The following DNA2 variants were observed in gnomAD, a reference collection of about 807,000 sequenced individuals.
The protein encoded by DNA2 is DNA replication ATP-dependent helicase/nuclease DNA2.
A neutral mutation model predicts 119.1 loss-of-function variants in DNA2; 101 were observed. The observed-to-expected ratio is 0.85, with a 90% CI of 0.72 to 1.00. DNA2 has a LOEUF of 1.00. Among genes scored for constraint, DNA2 ranks in the 50% least tolerant of loss-of-function variants. The pLI is 0.00. For missense variants in DNA2, 1,121 were observed against 1,255.5 expected (o/e 0.89, Z 1.62); for synonymous variants, 366 against 424.4 (o/e 0.86, Z 1.69).
chr10:68,442,138 C>A (rs550406510), intron 9 of DNA2, among the ~76,000 whole-genome samples: 1 of 152,024 alleles, frequency 6.6e-6, no homozygotes, highest in South Asian at 2.1e-4. Flanking sequence ...GGGTCTCAAA[C>A]TGGTGAGCTG....
intron 4 of DNA2, among the ~76,000 whole-genome samples, chr10:68,462,916 G>C (rs2052277776): frequency 6.6e-6 from 1 of 151,826 alleles, no homozygotes; most frequent in Admixed American, 6.6e-5. Context: ...ATCACCTGAG[G>C]TCAGGAGTTT....
chr10:68,459,155 TCTC>T lies in DNA2; in HGVS notation c.665_667del (p.Gly222del). On this transcript the variant is annotated inframe_deletion, in exon 5 of 21. Coordinates refer to ENST00000358410, the MANE Select transcript of DNA2 (RefSeq NM_001080449.3). The stretch of plus-strand genomic sequence containing the variant: ...AGTCGAAGTGTTTTTATGCATGAAA[TCTC>T]CTGCCCATTTACAAAACGAAGGAAG... The T allele has an allele frequency of 6.3e-7, 1 of 1,596,660 alleles. No individual in the cohort carries two copies. Among genetic ancestry groups the T allele is most frequent in the Non-Finnish European group, 8.5e-7 (1 of 1,170,700 alleles).
chr10:68,457,250 TCTC>T (rs2052197110), intron 5 of DNA2, among the ~76,000 whole-genome samples: 1 of 152,128 alleles, frequency 6.6e-6, no homozygotes, highest in Non-Finnish European at 1.5e-5. Context: ...CTGCTGCTCT[TCTC>T]CTACTGCACT....
At chr10:68,471,689 G>C (rs933375661) in intron 1 of DNA2, 102 bp downstream of exon 1, 172 of 1,392,916 alleles carry the variant, frequency 1.2e-4, no homozygotes, top group Non-Finnish European at 1.5e-4. Context: ...GGGTCCCTGG[G>C]CCCCGGGCCC....
At chr10:68,439,106 C>T (rs1002405055) in intron 9 of DNA2, among the ~76,000 whole-genome samples, 1 of 149,224 alleles carries the variant, frequency 6.7e-6, no homozygotes, top group Non-Finnish European at 1.5e-5. Flanking sequence ...CATAAAAAAA[C>T]ATTTGAGGCC....
chr10:68,439,058 G>A (rs533894905), intron 9 of DNA2, among the ~76,000 whole-genome samples: 101 of 149,716 alleles, frequency 6.7e-4, no homozygotes, highest in African/African-American at 2.2e-3. Flanking sequence ...AATTCATTCT[G>A]GAAAGAAAAA....
At chr10:68,425,122 T>C (rs1389584461) in intron 14 of DNA2, 2 of 285,300 alleles carry the variant, frequency 7.0e-6, no homozygotes, top group African/African-American at 5.6e-5. Context: ...TGAGACAGAG[T>C]CTTGCTCTGT....
chr10:68,447,420 G>A (rs926971418), intron 6 of DNA2, among the ~76,000 whole-genome samples: 2 of 151,076 alleles, frequency 1.3e-5, no homozygotes, highest in Admixed American at 1.3e-4. Context: ...GAGAGGCTAA[G>A]GCAGGAGAAT....
intron 4 of DNA2, among the ~76,000 whole-genome samples, 197 bp downstream of exon 4, chr10:68,465,470 G>A (rs1274576854): frequency 6.6e-6 from 1 of 152,038 alleles, no homozygotes; most frequent in Non-Finnish European, 1.5e-5. Context: ...AAAATATTTA[G>A]GTATTTTTAC....
At position 68,416,695 on chromosome 10, in the gene DNA2, A is replaced by T; in HGVS notation, c.3114+14T>A. On this transcript the variant is annotated intron_variant, in intron 20 of 20. Transcript: ENST00000358410. ...TGCAATCAAATGTGACCATATACAG[A>T]AGAAAAAGGATATTAATTTTTCTGA... 1.2e-6 allele frequency: 2 copies of T among 1,606,446 alleles called. No individual in the cohort carries two copies. The highest frequency in any genetic ancestry group is 1.7e-6 in the Non-Finnish European group (2 of 1,173,282).
chr10:68,469,495 T>G (rs1430122199), intron 2 of DNA2, among the ~76,000 whole-genome samples: 1 of 152,006 alleles, frequency 6.6e-6, no homozygotes, highest in Admixed American at 6.6e-5. Flanking sequence ...GAAGTTTCGC[T>G]CTTGTTGCCT....
At chr10:68,424,740 C>A in intron 14 of DNA2, 1 of 1,550,860 alleles carries the variant, frequency 6.4e-7, no homozygotes, top group Non-Finnish European at 8.9e-7. Context: ...AGTTCAAGGA[C>A]ACTACAAAGG....
At chr10:68,468,403 C>G (rs2052351086) in intron 2 of DNA2, 97 bp from the exon 3 acceptor site, 1 of 764,470 alleles carries the variant, frequency 1.3e-6, no homozygotes. Context: ...AGTATTTTAT[C>G]TGAAGAAGAA....
intron 4 of DNA2, among the ~76,000 whole-genome samples, chr10:68,460,088 CTTCTTT>C (rs2052236740): frequency 2.0e-5 from 3 of 149,900 alleles, no homozygotes; most frequent in South Asian, 2.1e-4. Flanking sequence ...AATTTTTTTT[CTTCTTT>C]TTCTTTTTCT....
At chr10:68,447,244 G>A (rs553789992) in intron 6 of DNA2, among the ~76,000 whole-genome samples, 4 of 152,126 alleles carry the variant, frequency 2.6e-5, no homozygotes, top group South Asian at 2.1e-4. Context: ...ACGGCTGGGC[G>A]TGGTGGCTCA....
intron 9 of DNA2, among the ~76,000 whole-genome samples, chr10:68,440,291 A>ATTTT (rs1277609389): frequency 6.6e-6 from 1 of 151,738 alleles, no homozygotes; most frequent in South Asian, 2.1e-4. Flanking sequence ...AGACTTTTTT[A>ATTTT]TTTTTTATTT....
At chr10:68,429,962 A>G (rs1430426316) in intron 14 of DNA2, among the ~76,000 whole-genome samples, 1 of 144,340 alleles carries the variant, frequency 6.9e-6, no homozygotes, top group Non-Finnish European at 1.5e-5. Context: ...TGCTCACTGC[A>G]ACCTCCGCCT....
At chr10:68,453,787 G>A (rs952471831) in intron 5 of DNA2, among the ~76,000 whole-genome samples, 1 of 152,164 alleles carries the variant, frequency 6.6e-6, no homozygotes. Flanking sequence ...TGTGTAGTAG[G>A]CGCTCTACCA....
At chr10:68,469,412 A>C (rs1165797448) in intron 2 of DNA2, among the ~76,000 whole-genome samples, 1 of 149,010 alleles carries the variant, frequency 6.7e-6, no homozygotes, top group African/African-American at 2.5e-5. Context: ...AAAAAAAAAG[A>C]ATGTACTGGG....
Sources: allele counts gnomAD v4.1 joint callset (sites outside exome capture counted in the v4.1 genomes callset), GRCh38; gene constraint gnomAD v4.1.1; transcripts MANE v1.5; gene names NCBI Gene and HGNC (gene_info 2026-07-23, HGNC 2026-07-21).